The following THADA variants were observed in gnomAD, a reference collection of about 807,000 sequenced individuals.
The protein encoded by THADA is tRNA (32-2'-O)-methyltransferase regulator THADA.
Under a neutral mutation model 219.8 loss-of-function variants are expected in THADA, and 213 were observed. The observed-to-expected ratio is 0.97, with a 90% CI of 0.87 to 1.09. The LOEUF (loss-of-function observed/expected upper bound fraction) is 1.09, where lower values mean the gene tolerates loss of function less well. Among genes scored for constraint, THADA ranks in the 50% least tolerant of loss-of-function variants. The pLI is 0.00. For synonymous variants in THADA, 1,018 were observed against 828.9 expected, an observed-to-expected ratio of 1.23 and a Z score of -3.92; for missense variants, 2,956 against 2,311.3, an observed-to-expected ratio of 1.28 and a Z score of -5.72.
intron 13 of THADA, 72 bp downstream of exon 13, chr2:43,571,635 T>C (rs572510812): frequency 6.7e-7 from 1 of 1,502,412 alleles, no homozygotes; most frequent in East Asian, 2.3e-5. Flanking sequence ...TCCCAAAATC[T>C]GGGCTCTTTT....
intron 26 of THADA, among the ~76,000 whole-genome samples, chr2:43,462,155 C>T (rs1683713737): frequency 1.3e-5 from 2 of 152,130 alleles, no homozygotes; most frequent in Non-Finnish European, 2.9e-5. Context: ...AACCAAATAA[C>T]ATTTTAAGAT....
Position 43,292,122 on chromosome 2 carries a change from T to C in THADA, c.4919A>G (p.Asp1640Gly), listed in dbSNP as rs769859816. ...TPKEFLIWTM[D>G]IASNERSEIQ... ...GGCAAACCTTTCATTGGAAGCAATA[T>C]CCATCGTCCAGATCAAGAACTCCTT... The change falls in exon 33 of 38, where the codon GAT becomes GGT. Residue 1640 changes from aspartate (D) to glycine (G), a missense_variant. Coordinates refer to ENST00000405975, the MANE Select transcript of THADA (RefSeq NM_022065.5). 5.5e-5 allele frequency: 89 copies of C among 1,606,278 alleles called. No individual in the cohort carries two copies. The highest frequency in any genetic ancestry group is 7.3e-5 in the Non-Finnish European group (86 of 1,176,930).
At chr2:43,245,498 GTCT>G (rs1271745367) in intron 36 of THADA, among the ~76,000 whole-genome samples, 1 of 152,142 alleles carries the variant, frequency 6.6e-6, no homozygotes, top group Non-Finnish European at 1.5e-5. Flanking sequence ...AAGAAAGTAA[GTCT>G]TCTTGGCCTG....
At chr2:43,538,964 G>C (rs78512391) in intron 21 of THADA, among the ~76,000 whole-genome samples, 1,589 of 152,198 alleles carry the variant, frequency 0.01, 33 homozygotes, top group African/African-American at 0.037. Context: ...TGTAAAATCA[G>C]GATGATTTTA....
intron 4 of THADA, 35 bp downstream of exon 4, chr2:43,590,789 T>C: frequency 6.2e-7 from 1 of 1,605,638 alleles, no homozygotes; most frequent in Non-Finnish European, 8.5e-7. Context: ...AATTCAACAT[T>C]TATAACACCC....
chr2:43,433,774 G>C (rs1054776743), intron 26 of THADA, among the ~76,000 whole-genome samples: 4 of 152,020 alleles, frequency 2.6e-5, no homozygotes, highest in Non-Finnish European at 5.9e-5. Flanking sequence ...TGCAACCTCT[G>C]CCTCCTAGGT....
chr2:43,304,816 C>T lies in THADA; in HGVS notation c.4439-11603G>A, dbSNP rs749789151. On this transcript the variant is annotated intron_variant, in intron 31 of 37. Coordinates refer to ENST00000405975, the MANE Select transcript of THADA (RefSeq NM_022065.5). ...CCTCCCGAGTAGCTGGGATTACAGG[C>T]GCCAGCCATCAAGCCTGGCTAATTT... Among the ~76,000 whole-genome samples, 7 of 151,990 alleles carry T rather than the reference C, an allele frequency of 4.6e-5. 1 individual carries two copies. In the South Asian group the frequency reaches 1.0e-3, roughly 23 times the overall value.
chr2:43,373,943 G>C (rs565964397), intron 29 of THADA, among the ~76,000 whole-genome samples: 2 of 152,244 alleles, frequency 1.3e-5, no homozygotes, highest in African/African-American at 4.8e-5. Context: ...ATTTGCCTGA[G>C]AGTGATTTTA....
In THADA at chr2:43,586,092, C is replaced by G. The variant is rs756668803; in HGVS notation, c.533+309G>C. ...CCAGCCTGGGCAACATAGTGAGACTCTGTCTCCAAAAAAATAAAAAAAACT... is the reference window on the plus strand; with the variant it reads ...CCAGCCTGGGCAACATAGTGAGACTGTGTCTCCAAAAAAATAAAAAAAACT... On this transcript the variant is annotated intron_variant, in intron 7 of 37. Coordinates refer to ENST00000405975, the MANE Select transcript of THADA (RefSeq NM_022065.5). Among the ~76,000 whole-genome samples the G allele has an allele frequency of 5.3e-5, 8 of 152,072 alleles. No homozygotes were observed. The South Asian group carries it at 8.3e-4, about 16-fold the overall frequency.
chr2:43,564,165 C>T (rs1288863119), intron 15 of THADA: 1 of 152,216 alleles, frequency 6.6e-6, no homozygotes, highest in Non-Finnish European at 1.5e-5. Context: ...AAGGTAAAAA[C>T]TTATTTTCTA....
intron 27 of THADA, among the ~76,000 whole-genome samples, chr2:43,429,859 A>C (rs2104818877): frequency 6.6e-6 from 1 of 151,958 alleles, no homozygotes; most frequent in African/African-American, 2.4e-5. Context: ...TTTAATAAAA[A>C]AGCCAATTTT....
chr2:43,367,364 T>A (rs1348211214), intron 29 of THADA, among the ~76,000 whole-genome samples: 1 of 152,196 alleles, frequency 6.6e-6, no homozygotes, highest in Non-Finnish European at 1.5e-5. Context: ...AATTAAAAAA[T>A]TCCCTACACT....
chr2:43,578,656 G>A lies in THADA; in HGVS notation c.722-49C>T, dbSNP rs746292739. On this transcript the variant is annotated intron_variant, in intron 8 of 37. Transcript: ENST00000405975. The stretch of plus-strand genomic sequence containing the variant: ...GCTTGTGTTAAATAATGAATATTCT[G>A]GTAGAGTGGAAAGAGCAGATGCTGA... 7.9e-6 allele frequency: 11 copies of A among 1,388,734 alleles called. No homozygotes were observed. The South Asian group carries it at 1.3e-4, about 16-fold the overall frequency. The allele number at this position is 1,388,734 out of a possible 1,614,324, so 86.0% of individuals were successfully genotyped here.
In THADA at chr2:43,292,816, G is replaced by C. The variant is rs544499507; in HGVS notation, c.4818+18C>G. 6.2e-7 allele frequency: 1 copy of C among 1,604,704 alleles called. No homozygotes were observed. Among genetic ancestry groups the C allele is most frequent in the South Asian group, 1.1e-5 (1 of 90,470 alleles). On this transcript the variant is annotated intron_variant, in intron 32 of 37. Transcript: ENST00000405975. ...TGTGGGGAGTGTAAAGGGCCAGTCAGTACGTTGGAGACTTTACCTTGCAGA... is the reference window on the plus strand; with the variant it reads ...TGTGGGGAGTGTAAAGGGCCAGTCACTACGTTGGAGACTTTACCTTGCAGA...
At chr2:43,370,741 C>T (rs1200729986) in intron 29 of THADA, among the ~76,000 whole-genome samples, 2 of 152,130 alleles carry the variant, frequency 1.3e-5, no homozygotes. Context: ...AAGGATGAAA[C>T]TACTCTCTGT....
chr2:43,364,913 T>A, intron 29 of THADA, among the ~76,000 whole-genome samples: 1 of 152,006 alleles, frequency 6.6e-6, no homozygotes, highest in East Asian at 1.9e-4. Flanking sequence ...ATTGTGATGG[T>A]AACTGACTAA....
chr2:43,578,583 C>T lies in THADA; in HGVS notation c.746G>A (p.Ser249Asn), dbSNP rs1304548798. 8.1e-6 allele frequency: 13 copies of T among 1,611,904 alleles called. No homozygotes were observed. Among genetic ancestry groups the T allele is most frequent in the Non-Finnish European group, 1.1e-5 (13 of 1,178,578 alleles). The change falls in exon 9 of 38, where the codon AGC becomes AAC. Residue 249 changes from serine to asparagine, a missense_variant. Ser to Asn is a conservative substitution (Grantham distance 46). Transcript: ENST00000405975. ...SDDDLLQTVQ[S>N]TSGLAIILFI... ...AAGAATAATAGCTAATCCAGATGTGCTCTGTACAGTCTGTAACAGATCATC... is the reference window on the plus strand; with the variant it reads ...AAGAATAATAGCTAATCCAGATGTGTTCTGTACAGTCTGTAACAGATCATC...
chr2:43,527,101 T>G (rs2103723191), intron 22 of THADA, among the ~76,000 whole-genome samples: 1 of 152,176 alleles, frequency 6.6e-6, no homozygotes, highest in East Asian at 1.9e-4. Context: ...AAAAAAAAGT[T>G]TCAAAAATAT....
intron 26 of THADA, among the ~76,000 whole-genome samples, chr2:43,480,814 T>C (rs1356075856): frequency 6.8e-6 from 1 of 146,482 alleles, no homozygotes; most frequent in Non-Finnish European, 1.5e-5. Context: ...CGAGACTCTG[T>C]CTTGGGGGGG....
Sources: gnomAD v4.1 joint callset for allele counts (sites outside exome capture counted in the v4.1 genomes callset) on GRCh38, gnomAD v4.1.1 for gene constraint, MANE v1.5 for transcripts, NCBI Gene and HGNC (gene_info 2026-07-23, HGNC 2026-07-21) for gene names.